The following EPB41 variants were observed in gnomAD, a reference collection of about 807,000 sequenced individuals.
EPB41 encodes erythrocyte membrane protein band 4.1.
EPB41 carries 65 observed loss-of-function variants against 108.0 expected under a neutral mutation model. The observed-to-expected ratio is 0.60, with a 90% confidence interval of 0.49 to 0.74. The LOEUF is 0.74. Among genes scored for constraint, EPB41 ranks in the 30% least tolerant of loss-of-function variants. EPB41 has a pLI of 0.00. For synonymous variants in EPB41, 336 were observed against 358.9 expected (o/e 0.94, Z 0.72); for missense variants, 875 against 1,037.0 (o/e 0.84, Z 2.15).
chr1:29,051,186 C>T (rs1275301597), intron 11 of EPB41, among the ~76,000 whole-genome samples: 1 of 141,538 alleles, frequency 7.1e-6, no homozygotes, highest in East Asian at 2.2e-4. Flanking sequence ...GCAACCTCTG[C>T]CTCTCGGGTT....
At chr1:29,088,050 T>C (rs1659839398) in intron 16 of EPB41, among the ~76,000 whole-genome samples, 1 of 147,430 alleles carries the variant, frequency 6.8e-6, no homozygotes, top group South Asian at 2.1e-4. Flanking sequence ...TTTTTCTTTT[T>C]TTCTTTTTTT....
At chr1:29,033,000 T>C (rs778596724) in intron 8 of EPB41, 93 bp from the exon 9 acceptor site, 19 of 1,215,108 alleles carry the variant, frequency 1.6e-5, no homozygotes, top group Non-Finnish European at 2.3e-5. Flanking sequence ...TTTGTAACTG[T>C]TTTTGGTTGT....
intron 1 of EPB41, among the ~76,000 whole-genome samples, chr1:28,971,132 G>A (rs1397846645): frequency 4.7e-5 from 7 of 148,432 alleles, no homozygotes; most frequent in African/African-American, 1.7e-4. Flanking sequence ...ACAGGCATGA[G>A]CCACCACACC....
chr1:28,931,734 C>T (rs949192010), intron 1 of EPB41, among the ~76,000 whole-genome samples: 5 of 151,746 alleles, frequency 3.3e-5, no homozygotes, highest in African/African-American at 4.8e-5. Context: ...CAGGGTTTCA[C>T]TGTGTTAGCC....
upstream of EPB41, among the ~76,000 whole-genome samples, chr1:28,912,034 G>A (rs544248232): frequency 6.3e-3 from 953 of 152,102 alleles, 3 homozygotes; most frequent in Middle Eastern, 0.02. Flanking sequence ...CAAAAAGAGC[G>A]AAACCCCTTC....
chr1:29,039,203 G>T, intron 10 of EPB41, 51 bp from the exon 11 acceptor site: 1 of 1,551,658 alleles, frequency 6.4e-7, no homozygotes, highest in South Asian at 1.2e-5. Context: ...TACAGTTTTA[G>T]AATAATAAGA....
intron 1 of EPB41, among the ~76,000 whole-genome samples, chr1:28,974,656 G>A (rs549813855): frequency 6.6e-6 from 1 of 152,160 alleles, no homozygotes; most frequent in Non-Finnish European, 1.5e-5. Flanking sequence ...TTAGGATTCT[G>A]CTTTGAGATA....
At chr1:29,074,379 T>C (rs1454017038) in intron 16 of EPB41, among the ~76,000 whole-genome samples, 2 of 152,212 alleles carry the variant, frequency 1.3e-5, no homozygotes, top group Non-Finnish European at 2.9e-5. Flanking sequence ...GTTTGTAATA[T>C]TGGTACTAGA....
At chr1:29,044,993 T>G (rs1233990844) in intron 11 of EPB41, among the ~76,000 whole-genome samples, 1 of 152,252 alleles carries the variant, frequency 6.6e-6, no homozygotes, top group Admixed American at 6.5e-5. Flanking sequence ...TGTACCCTTG[T>G]GTCAATACCA....
At chr1:28,906,962 G>A (rs1373821405) in intron 1 of EPB41, among the ~76,000 whole-genome samples, 1 of 138,632 alleles carries the variant, frequency 7.2e-6, no homozygotes, top group Non-Finnish European at 1.6e-5. Context: ...TTGTAGAGAC[G>A]GGGTTTCAAC....
intron 2 of EPB41, among the ~76,000 whole-genome samples, chr1:28,990,069 A>G (rs1168719028): frequency 2.6e-5 from 4 of 151,996 alleles, no homozygotes; most frequent in African/African-American, 9.7e-5. Context: ...ATCCTGGCCA[A>G]CATGGTGAAA....
intron 16 of EPB41, among the ~76,000 whole-genome samples, chr1:29,092,657 A>T (rs1036281961): frequency 2.0e-5 from 3 of 151,874 alleles, no homozygotes; most frequent in Non-Finnish European, 4.4e-5. Context: ...CCAAGTACTA[A>T]GCCTGGTACC....
rs1671221949 is a variant in EPB41 at position 29,117,650 on chromosome 1, T to G, written c.*838T>G. The stretch of plus-strand genomic sequence containing the variant: ...CAAATCTCACAGAAAAATAGGCACT[T>G]TGGGCCAAAAGCTCTAATGGAACAT... On this transcript the variant is annotated 3_prime_UTR_variant, in exon 21 of 21. Coordinates refer to ENST00000343067, the MANE Select transcript of EPB41 (RefSeq NM_001376013.1). The G allele has an allele frequency of 6.6e-6, 1 of 152,594 alleles. No homozygotes were observed. Among genetic ancestry groups the G allele is most frequent in the South Asian group, 2.1e-4 (1 of 4,830 alleles). 9.5% of individuals were successfully genotyped at this position (152,594 alleles called of 1,614,324 possible).
Position 29,115,606 on chromosome 1 carries a change from G to A in EPB41, c.2497-93G>A. The A allele has an allele frequency of 9.3e-7, 1 of 1,071,842 alleles. No individual in the cohort carries two copies. Among genetic ancestry groups the A allele is most frequent in the African/African-American group, 1.5e-5 (1 of 64,600 alleles). The allele number at this position is 1,071,842 out of a possible 1,614,324, so 66.4% of individuals were successfully genotyped here. A position where few individuals can be genotyped will look rare whatever the true frequency, so the allele number is the denominator to read the frequency against. On this transcript the variant is annotated intron_variant, in intron 19 of 20. Transcript: ENST00000343067. This position sits in a 1 kb window ranked among gnomAD's most constrained non-coding sequence, Gnocchi z 4.4. ...CCTGGTACTGCAGACAGGAGTATTG[G>A]ATCTGTCAGAACATCAGAGAAATGA...
At chr1:29,058,897 C>G (rs1177705263) in intron 14 of EPB41, 45 bp downstream of exon 14, 12 of 1,476,480 alleles carry the variant, frequency 8.1e-6, no homozygotes, top group Non-Finnish European at 1.0e-5. Flanking sequence ...CCATTTCACC[C>G]ATGCTGACTT....
At chr1:29,051,897 T>TAAAAAAAAAAAA (rs10715253) in intron 11 of EPB41, among the ~76,000 whole-genome samples, 1 of 144,686 alleles carries the variant, frequency 6.9e-6, no homozygotes. Flanking sequence ...GACTCCATCT[T>TAAAAAAAAAAAA]AAAAAAAAAA....
At chr1:29,033,047 T>C (rs1396414727) in intron 8 of EPB41, 46 bp from the exon 9 acceptor site, 2 of 1,584,482 alleles carry the variant, frequency 1.3e-6, no homozygotes, top group Admixed American at 1.7e-5. Flanking sequence ...AACAGTGTAT[T>C]GAGTACTTTG....
In EPB41 at chr1:28,960,001, C is replaced by CTT. The variant is rs776338332; in HGVS notation, c.-7-27415_-7-27414dup. On this transcript the variant is annotated intron_variant, in intron 1 of 20. Coordinates refer to ENST00000343067, the MANE Select transcript of EPB41 (RefSeq NM_001376013.1). Reference sequence around the variant, plus strand: ...GAGGCCCTTTCTTTTTTTTTCTTTTCTTTTTTTTTTTTTTTTGAGACAGGA... The same window carrying CTT: ...GAGGCCCTTTCTTTTTTTTTCTTTTCTTTTTTTTTTTTTTTTTTGAGACAGGA... Among the ~76,000 whole-genome samples the CTT allele has an allele frequency of 4.4e-4, 57 of 128,234 alleles. 1 individual carries two copies. The highest frequency in any genetic ancestry group is 1.1e-3 in the African/African-American group (38 of 35,146). The allele number at this position is 128,234 out of a possible 152,430, so 84.1% of individuals were successfully genotyped here.
chr1:29,058,481 C>A, intron 12 of EPB41, 108 bp from the exon 13 acceptor site: 1 of 935,120 alleles, frequency 1.1e-6, no homozygotes, highest in Non-Finnish European at 1.7e-6. Flanking sequence ...GATTACGTAT[C>A]AGCGTATTTC....
Sources: gnomAD v4.1 joint callset for allele counts (sites outside exome capture counted in the v4.1 genomes callset) on GRCh38, gnomAD v4.1.1 for gene constraint, Gnocchi (gnomAD v3.1) non-coding constraint, MANE v1.5 for transcripts, NCBI Gene and HGNC (gene_info 2026-07-23, HGNC 2026-07-21) for gene names.